Variants in EDNRB observed in about 807,000 individuals in gnomAD.
EDNRB encodes the protein endothelin receptor type B.
Under a neutral mutation model 46.4 loss-of-function variants are expected in EDNRB, and 18 were observed. The ratio of observed to expected loss-of-function variants is 0.39; its 90% CI spans 0.27 to 0.57. The LOEUF (loss-of-function observed/expected upper bound fraction) is 0.57, where lower values mean the gene tolerates loss of function less well. Ranked by LOEUF, EDNRB falls within the 20% of genes least tolerant of loss-of-function variation. The pLI is 0.61. For synonymous variants in EDNRB, 213 were observed against 204.9 expected (o/e 1.04, Z -0.34); for missense variants, 434 against 537.5 (o/e 0.81, Z 1.90).
chr13:77,950,940 C>T (rs910852774), intron 1 of EDNRB, among the ~76,000 whole-genome samples: 4 of 152,082 alleles, frequency 2.6e-5, no homozygotes, highest in East Asian at 1.9e-4. Context: ...TCCAAACCTG[C>T]GAGATTGTAT....
Position 77,927,448 on chromosome 13 carries a change from G to T in EDNRB, c.-51-8824C>A, listed in dbSNP as rs185830798. On this transcript the variant is annotated intron_variant, in intron 1 of 7. Transcript: ENST00000646948. ...TGTCTAGGAACTAGAACAAAGTTGG[G>T]TACTCATGATAAATTTAAGACAAAT... 5.3e-5 allele frequency among the ~76,000 whole-genome samples: 8 copies of T among 152,312 alleles called. No homozygotes were observed. In the East Asian group the frequency reaches 1.3e-3, roughly 26 times the overall value.
chr13:77,955,852 T>TCTATCTATCTAA (rs564661379), intron 1 of EDNRB, among the ~76,000 whole-genome samples: 1,886 of 132,008 alleles, frequency 0.014, 47 homozygotes, highest in African/African-American at 0.05. Flanking sequence ...TGTGTATCTA[T>TCTATCTATCTAA]CTATCTATCT....
At chr13:77,905,308 G>C (rs1037754141) in intron 1 of EDNRB, among the ~76,000 whole-genome samples, 1 of 151,900 alleles carries the variant, frequency 6.6e-6, no homozygotes, top group Non-Finnish European at 1.5e-5. Context: ...AAAGAACCCA[G>C]ATTGGAATTT....
Position 77,898,344 on chromosome 13 carries a change from A to G in EDNRB, c.1195-10T>C, listed in dbSNP as rs1263026580. On this transcript the variant is annotated splice_polypyrimidine_tract_variant and intron_variant, in intron 6 of 6. Transcript: ENST00000646607. ...AGCAGCATAAGCATGACTGTACAAA[A>G]CAAAGTAACTCATTATATGTTAACA... The G allele has an allele frequency of 6.2e-7, 1 of 1,611,472 alleles. No homozygotes were observed. Among genetic ancestry groups the G allele is most frequent in the South Asian group, 1.1e-5 (1 of 91,024 alleles).
intron 1 of EDNRB, among the ~76,000 whole-genome samples, chr13:77,953,502 C>T (rs1257133345): frequency 6.6e-6 from 1 of 152,050 alleles, no homozygotes; most frequent in Non-Finnish European, 1.5e-5. Flanking sequence ...CCACCTACAA[C>T]CAGAATGAAC....
At chr13:77,956,660 C>T (rs1881249809) in intron 1 of EDNRB, among the ~76,000 whole-genome samples, 1 of 152,212 alleles carries the variant, frequency 6.6e-6, no homozygotes, top group Non-Finnish European at 1.5e-5. Context: ...GGTCAGAACT[C>T]TGACACAGGT....
chr13:77,903,302 C>T lies in EDNRB; in HGVS notation c.655G>A (p.Ala219Thr). ...ACCCAAATCAAAACAATTTCTACTG[C>T]TGTCCATTTTGGAACCCCAATTCCT... ...IKGIGVPKWTAVEIVLIWVVS... is the reference protein window; with the variant it reads ...IKGIGVPKWTTVEIVLIWVVS... The change falls in exon 3 of 7, where the codon GCA becomes ACA. Residue 219 changes from alanine (A) to threonine (T), a missense_variant. Ala to Thr is a moderately conservative substitution (Grantham distance 58). Coordinates refer to ENST00000646607, the MANE Select transcript of EDNRB (RefSeq NM_001122659.3). 1 of 1,612,972 alleles carries T rather than the reference C, an allele frequency of 6.2e-7. No homozygotes were observed. Among genetic ancestry groups the T allele is most frequent in the Non-Finnish European group, 8.5e-7 (1 of 1,179,336 alleles).
chr13:77,948,773 G>A (rs547204250), intron 1 of EDNRB, among the ~76,000 whole-genome samples: 1 of 152,168 alleles, frequency 6.6e-6, no homozygotes, highest in African/African-American at 2.4e-5. Context: ...ACCATTTACT[G>A]CAAAAAATTC....
upstream of EDNRB, among the ~76,000 whole-genome samples, chr13:77,921,447 T>C (rs1311831503): frequency 6.6e-6 from 1 of 152,216 alleles, no homozygotes; most frequent in African/African-American, 2.4e-5. Context: ...CAGCTCTGTA[T>C]TATTTTCTAT....
chr13:77,899,007 T>C (rs991663644), intron 6 of EDNRB, among the ~76,000 whole-genome samples: 1 of 151,926 alleles, frequency 6.6e-6, no homozygotes, highest in Non-Finnish European at 1.5e-5. Context: ...TTTCTTGAAG[T>C]TTTTTTAAAT....
chr13:77,906,109 TAGAGGTAGCTAGC>T (rs1273089128), intron 1 of EDNRB, among the ~76,000 whole-genome samples: 4 of 151,690 alleles, frequency 2.6e-5, no homozygotes, highest in African/African-American at 9.7e-5. Flanking sequence ...ATTTTAAGGG[TAGAGGTAGCTAGC>T]AGGACTTGCT....
chr13:77,925,783 G>C (rs985594053), intron 1 of EDNRB, among the ~76,000 whole-genome samples: 3 of 152,088 alleles, frequency 2.0e-5, no homozygotes, highest in African/African-American at 7.2e-5. Context: ...GAGGGCCACC[G>C]TCCTCCAGAC....
intron 1 of EDNRB, among the ~76,000 whole-genome samples, chr13:77,913,480 G>A (rs528643851): frequency 6.6e-6 from 1 of 152,150 alleles, no homozygotes; most frequent in African/African-American, 2.4e-5. Context: ...GTGGATATTG[G>A]TATTTGTCTT....
chr13:77,971,948 T>G (rs1175867079), intron 1 of EDNRB, among the ~76,000 whole-genome samples: 1 of 152,162 alleles, frequency 6.6e-6, no homozygotes, highest in African/African-American at 2.4e-5. Context: ...ACCACACATC[T>G]GCTTGGGGAT....
intron 1 of EDNRB, among the ~76,000 whole-genome samples, chr13:77,966,229 C>T (rs1881578348): frequency 6.6e-6 from 1 of 152,052 alleles, no homozygotes; most frequent in South Asian, 2.1e-4. Flanking sequence ...AATAATCCAC[C>T]CTTCAGGAAG....
Position 77,896,437 on chromosome 13 carries a change from G to A in EDNRB, c.*1763C>T. 6.4e-7 allele frequency: 1 copy of A among 1,557,518 alleles called. No homozygotes were observed. Among genetic ancestry groups the A allele is most frequent in the Non-Finnish European group, 8.7e-7 (1 of 1,149,670 alleles). Reference sequence around the variant, plus strand: ...TTTATAAATAGAATCCATATGGTGTGTGAATTAATTATTATTGCTCTTTCT... The same window carrying A: ...TTTATAAATAGAATCCATATGGTGTATGAATTAATTATTATTGCTCTTTCT... On this transcript the variant is annotated 3_prime_UTR_variant, in exon 7 of 7. Coordinates refer to ENST00000646607, the MANE Select transcript of EDNRB (RefSeq NM_001122659.3).
chr13:77,922,897 A>C (rs1055108898), upstream of EDNRB, among the ~76,000 whole-genome samples: 1 of 152,192 alleles, frequency 6.6e-6, no homozygotes, highest in Non-Finnish European at 1.5e-5. Flanking sequence ...TTTGGACGCT[A>C]TTCCTGTTAA....
chr13:77,937,251 A>G (rs1241474898), intron 1 of EDNRB, among the ~76,000 whole-genome samples: 1 of 152,158 alleles, frequency 6.6e-6, no homozygotes, highest in African/African-American at 2.4e-5. Flanking sequence ...TAGGCAGGAA[A>G]TCATGTAATC....
chr13:77,918,434 G>A lies in EDNRB; in HGVS notation c.140C>T (p.Thr47Met). ...GGGCCATAAGGTCTTAGTGGGTGGCGTCATTATCTCTGCGGTTTGCAAAAG... is the reference window on the plus strand; with the variant it reads ...GGGCCATAAGGTCTTAGTGGGTGGCATCATTATCTCTGCGGTTTGCAAAAG... ...TPLLQTAEIMTPPTKTLWPKG... is the reference protein window; with the variant it reads ...TPLLQTAEIMMPPTKTLWPKG... Residue 47 changes from threonine to methionine, a missense_variant, in exon 1 of 7, where the codon ACG (threonine) becomes ATG (methionine). Coordinates refer to ENST00000646607, the MANE Select transcript of EDNRB (RefSeq NM_001122659.3). The surrounding 1 kb of genome is among the most constrained non-coding windows in gnomAD (Gnocchi z 4.5). 3.8e-6 allele frequency: 6 copies of A among 1,570,384 alleles called. No individual in the cohort carries two copies. Among genetic ancestry groups the A allele is most frequent in the East Asian group, 2.2e-5 (1 of 44,470 alleles).
Sources: allele counts gnomAD v4.1 joint callset (sites outside exome capture counted in the v4.1 genomes callset), GRCh38; gene constraint gnomAD v4.1.1; non-coding constraint Gnocchi (gnomAD v3.1); transcripts MANE v1.5; gene names NCBI Gene and HGNC (gene_info 2026-07-23, HGNC 2026-07-21).